Variants in SEMA5A observed in about 807,000 individuals in gnomAD.
The protein encoded by SEMA5A is semaphorin-5A.
In SEMA5A, 55 loss-of-function variants were observed where a neutral mutation model predicts 135.5. That is an observed-to-expected ratio of 0.41 (90% CI 0.33 to 0.51). The LOEUF (loss-of-function observed/expected upper bound fraction) is 0.51. Among genes scored for constraint, SEMA5A ranks in the 20% least tolerant of loss-of-function variants. The pLI, the probability that SEMA5A is intolerant of heterozygous loss-of-function variation, is 0.37. For synonymous variants in SEMA5A, 580 were observed against 546.5 expected, an observed-to-expected ratio of 1.06 and a Z score of -0.85; for missense variants, 1,290 against 1,419.9, an observed-to-expected ratio of 0.91 and a Z score of 1.47.
chr5:9,497,617 C>T (rs1735369416), intron 1 of SEMA5A, among the ~76,000 whole-genome samples: 1 of 152,160 alleles, frequency 6.6e-6, no homozygotes, highest in South Asian at 2.1e-4. Context: ...AAGCACGTCC[C>T]AGATGGTGAC....
intron 9 of SEMA5A, among the ~76,000 whole-genome samples, chr5:9,200,473 G>A (rs942926242): frequency 1.3e-5 from 2 of 152,196 alleles, no homozygotes; most frequent in Non-Finnish European, 2.9e-5. Flanking sequence ...TATCTTGGGT[G>A]TGACTACACT....
intron 13 of SEMA5A, among the ~76,000 whole-genome samples, chr5:9,130,689 C>A (rs1269154962): frequency 6.6e-6 from 1 of 152,142 alleles, no homozygotes; most frequent in Non-Finnish European, 1.5e-5. Context: ...TACAAGTAAA[C>A]CTTAGTTCTC....
At chr5:9,370,799 A>G (rs1265597306) in intron 3 of SEMA5A, among the ~76,000 whole-genome samples, 2 of 152,180 alleles carry the variant, frequency 1.3e-5, no homozygotes, top group Non-Finnish European at 2.9e-5. Flanking sequence ...GCTGATATAA[A>G]GAGAAGAAAG....
chr5:9,497,408 G>A lies in SEMA5A; in HGVS notation c.-175+48176C>T, dbSNP rs535744194. On this transcript the variant is annotated intron_variant, in intron 1 of 22. Transcript: ENST00000382496. ...TACGGTTCAGACACAATGGACTGGG[G>A]ATAGAGACGGCTATAGTGCCGATAA... Among the ~76,000 whole-genome samples, 3 of 152,326 alleles carry A rather than the reference G, an allele frequency of 2.0e-5. No individual in the cohort carries two copies. The South Asian group carries it at 6.2e-4, about 32-fold the overall frequency.
At chr5:9,201,227 C>G (rs1255340093) in intron 9 of SEMA5A, among the ~76,000 whole-genome samples, 1 of 152,060 alleles carries the variant, frequency 6.6e-6, no homozygotes, top group African/African-American at 2.4e-5. Context: ...CCTCCTGAGT[C>G]TTACACAGCA....
Position 9,051,973 on chromosome 5 carries a change from G to C in SEMA5A, c.2745C>G (p.Val915=), listed in dbSNP as rs747487751. ...ACAGGAGGATGCACTGGCGGGCGCG[G>C]ACTTGGACGCCAGAGGCTTCACACT... ...WSECEASGVQ[V]RARQCILLFP... is the part of the protein sequence containing the mutation. The change falls in exon 20 of 23, where the codon GTC becomes GTG. Residue 915 remains valine (V), a synonymous_variant. Coordinates refer to ENST00000382496, the MANE Select transcript of SEMA5A (RefSeq NM_003966.3). 3.1e-6 allele frequency: 5 copies of C among 1,613,680 alleles called. No individual in the cohort carries two copies. The South Asian group carries it at 5.5e-5, about 18-fold the overall frequency.
chr5:9,215,166 A>T (rs550577493), intron 8 of SEMA5A, among the ~76,000 whole-genome samples: 8 of 152,348 alleles, frequency 5.3e-5, no homozygotes, highest in Admixed American at 5.2e-4. Context: ...AAACAAGAAG[A>T]CAACGCCATC....
chr5:9,128,442 G>A (rs1741232858), intron 13 of SEMA5A, among the ~76,000 whole-genome samples: 1 of 152,170 alleles, frequency 6.6e-6, no homozygotes, highest in South Asian at 2.1e-4. Context: ...TTTGGACATG[G>A]TTATGTGTGA....
intron 18 of SEMA5A, among the ~76,000 whole-genome samples, chr5:9,054,461 T>G (rs941527087): frequency 5.3e-5 from 8 of 152,260 alleles, no homozygotes; most frequent in African/African-American, 1.9e-4. Context: ...TTCCTCTTGG[T>G]GACAGATCCA....
At chr5:9,054,489 C>T (rs939590226) in intron 18 of SEMA5A, among the ~76,000 whole-genome samples, 5 of 152,150 alleles carry the variant, frequency 3.3e-5, no homozygotes, top group African/African-American at 1.2e-4. Context: ...AGATTCCTCC[C>T]TACACTTTTT....
At chr5:9,318,005 C>G (rs549273051) in intron 5 of SEMA5A, among the ~76,000 whole-genome samples, 1 of 152,100 alleles carries the variant, frequency 6.6e-6, no homozygotes, top group East Asian at 1.9e-4. Flanking sequence ...AGCTGTTTTA[C>G]AAGAAATTGA....
At chr5:9,275,934 C>T (rs747534479) in intron 5 of SEMA5A, among the ~76,000 whole-genome samples, 1 of 152,162 alleles carries the variant, frequency 6.6e-6, no homozygotes, top group Non-Finnish European at 1.5e-5. Context: ...CACTCCAACT[C>T]AACATAATAT....
chr5:9,466,473 A>G (rs1759267464), intron 1 of SEMA5A, among the ~76,000 whole-genome samples: 1 of 152,044 alleles, frequency 6.6e-6, no homozygotes, highest in Non-Finnish European at 1.5e-5. Flanking sequence ...AAGAAGGGCT[A>G]TTGAAGGGCT....
chr5:9,072,301 G>A (rs1455035311), intron 16 of SEMA5A, among the ~76,000 whole-genome samples: 5 of 152,250 alleles, frequency 3.3e-5, no homozygotes. Flanking sequence ...CCCAGGCACA[G>A]GCTAGAGACT....
intron 2 of SEMA5A, among the ~76,000 whole-genome samples, chr5:9,387,674 C>G (rs1755956816): frequency 6.6e-6 from 1 of 152,102 alleles, no homozygotes; most frequent in Non-Finnish European, 1.5e-5. Context: ...ATCAGATATT[C>G]TAGGTACAGT....
chr5:9,458,850 G>A (rs986562628), intron 1 of SEMA5A, among the ~76,000 whole-genome samples: 1 of 152,188 alleles, frequency 6.6e-6, no homozygotes, highest in East Asian at 1.9e-4. Context: ...GAGTCCCAAC[G>A]ATGTGCACAT....
intron 3 of SEMA5A, among the ~76,000 whole-genome samples, chr5:9,358,258 G>C (rs1217189658): frequency 2.0e-5 from 3 of 152,114 alleles, no homozygotes; most frequent in Non-Finnish European, 4.4e-5. Context: ...AACCACACTG[G>C]CTCCATTTTA....
intron 3 of SEMA5A, among the ~76,000 whole-genome samples, chr5:9,372,701 G>A (rs1755191323): frequency 6.6e-6 from 1 of 151,980 alleles, no homozygotes; most frequent in African/African-American, 2.4e-5. Flanking sequence ...CACACGTGCA[G>A]CCATGGGAGG....
chr5:9,302,486 G>A (rs967628613), intron 5 of SEMA5A, among the ~76,000 whole-genome samples: 1 of 152,184 alleles, frequency 6.6e-6, no homozygotes, highest in Non-Finnish European at 1.5e-5. Context: ...TACATTTATG[G>A]TGGGGCTAAA....
Sources: allele counts gnomAD v4.1 joint callset (sites outside exome capture counted in the v4.1 genomes callset), GRCh38; gene constraint gnomAD v4.1.1; transcripts MANE v1.5; gene names NCBI Gene and HGNC (gene_info 2026-07-23, HGNC 2026-07-21).